RALGAPA2: variants seen among roughly 807,000 people sequenced by gnomAD.
The protein encoded by RALGAPA2 is Ral GTPase activating protein catalytic subunit alpha 2, also known as ral GTPase-activating protein subunit alpha-2.
In RALGAPA2, 139 loss-of-function variants were observed where a neutral mutation model predicts 230.4. The ratio of observed to expected loss-of-function variants is 0.60; its 90% confidence interval spans 0.53 to 0.69. The LOEUF is 0.69. Among genes scored for constraint, RALGAPA2 ranks in the 30% least tolerant of loss-of-function variants. The pLI is 0.00. For synonymous variants in RALGAPA2, 847 were observed against 837.8 expected (o/e 1.01, Z -0.19); for missense variants, 2,163 against 2,276.0 (o/e 0.95, Z 1.01).
chr20:20,614,045 T>C lies in RALGAPA2; in HGVS notation c.1688+1998A>G, dbSNP rs540858094. Among the ~76,000 whole-genome samples, 163 of 152,178 alleles carry C rather than the reference T, an allele frequency of 1.1e-3. 1 individual carries two copies. Among genetic ancestry groups the C allele is most frequent in the Non-Finnish European group, 1.7e-3 (115 of 68,010 alleles). ...CTATATTCTCACAGTAGAAGCTCGA[T>C]AGTTATTTATTAGATGGAAGAAAAG... On this transcript the variant is annotated intron_variant, in intron 13 of 39. Coordinates refer to ENST00000202677, the MANE Select transcript of RALGAPA2 (RefSeq NM_020343.4).
chr20:20,615,552 G>A (rs1311644664), intron 13 of RALGAPA2, among the ~76,000 whole-genome samples: 1 of 152,148 alleles, frequency 6.6e-6, no homozygotes, highest in Non-Finnish European at 1.5e-5. Flanking sequence ...CAAAAACAAA[G>A]ATGAAAAGGA....
chr20:20,638,426 G>A (rs2066929078), intron 7 of RALGAPA2, among the ~76,000 whole-genome samples: 1 of 152,206 alleles, frequency 6.6e-6, no homozygotes, highest in African/African-American at 2.4e-5. Context: ...CCTGCCAAAA[G>A]CTGTGCTCTG....
chr20:20,395,448 T>C (rs1360578723), intron 39 of RALGAPA2, among the ~76,000 whole-genome samples: 1 of 152,158 alleles, frequency 6.6e-6, no homozygotes, highest in Admixed American at 6.5e-5. Flanking sequence ...CACAGGACAC[T>C]CGAACCTCAC....
At chr20:20,651,200 A>G (rs909954145) in intron 4 of RALGAPA2, among the ~76,000 whole-genome samples, 8 of 152,202 alleles carry the variant, frequency 5.3e-5, no homozygotes, top group African/African-American at 1.9e-4. Context: ...CTAAAATCTG[A>G]AAATGCCTGA....
intron 1 of RALGAPA2, among the ~76,000 whole-genome samples, chr20:20,690,184 A>T (rs2068852643): frequency 6.6e-6 from 1 of 152,264 alleles, no homozygotes; most frequent in African/African-American, 2.4e-5. Flanking sequence ...ACATCACTGG[A>T]AACATGTGAT....
At chr20:20,480,953 G>A (rs1422392837) in intron 36 of RALGAPA2, among the ~76,000 whole-genome samples, 2 of 152,198 alleles carry the variant, frequency 1.3e-5, no homozygotes, top group African/African-American at 4.8e-5. Flanking sequence ...ACCACCTGCA[G>A]ATTAGGAGCT....
chr20:20,531,651 G>A (rs748327455), intron 27 of RALGAPA2, 36 bp downstream of exon 27: 5 of 1,475,662 alleles, frequency 3.4e-6, no homozygotes, highest in Non-Finnish European at 4.7e-6. Flanking sequence ...CTCAGATATG[G>A]CTTAATATCC....
Position 20,572,954 on chromosome 20 carries a change from T to G in RALGAPA2, c.2822A>C (p.Asp941Ala). Residue 941 changes from aspartate (D) to alanine (A), a missense_variant, in exon 21 of 40, where the codon GAT becomes GCT. By Grantham distance (126) the Asp-to-Ala change is moderately radical. Transcript: ENST00000202677. ...LWRRVLGILG[D>A]VNNIQSPKIH... ...CTTGGGTGACTGGATGTTATTCACA[T>G]CTCCGAGGATCCCCAAGACCCTTCG... The G allele has an allele frequency of 6.3e-7, 1 of 1,591,240 alleles. No individual in the cohort carries two copies. The highest frequency in any genetic ancestry group is 8.6e-7 in the Non-Finnish European group (1 of 1,168,218).
chr20:20,524,995 G>T, intron 28 of RALGAPA2, 97 bp from the exon 29 acceptor site: 1 of 1,069,582 alleles, frequency 9.3e-7, no homozygotes. Context: ...ACTAAACCCA[G>T]CTTGGTGCCA....
intron 38 of RALGAPA2, among the ~76,000 whole-genome samples, chr20:20,408,466 G>A (rs2059990842): frequency 6.6e-6 from 1 of 152,130 alleles, no homozygotes; most frequent in Non-Finnish European, 1.5e-5. Context: ...TTTTATAAGA[G>A]CAACTTCTAA....
chr20:20,666,637 G>A lies in RALGAPA2; in HGVS notation c.270+9599C>T, dbSNP rs577818365. On this transcript the variant is annotated intron_variant, in intron 3 of 39. Transcript: ENST00000202677. ...ATAAGAAATAACAAAGCAGAGAAAA[G>A]CGCAGAAACTGTGGCAACTAGTTAA... 2.6e-5 allele frequency among the ~76,000 whole-genome samples: 4 copies of A among 152,304 alleles called. No individual in the cohort carries two copies. In the East Asian group the frequency reaches 7.7e-4, roughly 29 times the overall value.
At chr20:20,585,000 A>G (rs772686972) in intron 18 of RALGAPA2, 45 bp from the exon 19 acceptor site, 1 of 1,408,828 alleles carries the variant, frequency 7.1e-7, no homozygotes, top group Non-Finnish European at 9.9e-7. Flanking sequence ...GAAAGTTTTC[A>G]TTGTTATAAG....
Position 20,531,703 on chromosome 20 carries a change from A to AGG in RALGAPA2, c.3565_3566insCC (p.Ile1189ThrfsTer2). The stretch of plus-strand genomic sequence containing the variant: ...TGGTAATACCTTCAGAGTTACTCCT[A>AGG]TCACATTGATGGCCTCTTTCACCTG... On this transcript the variant is annotated frameshift_variant, in exon 27 of 40. Coordinates refer to ENST00000202677, the MANE Select transcript of RALGAPA2 (RefSeq NM_020343.4). LOFTEE classifies it high-confidence loss of function. 6.2e-7 allele frequency: 1 copy of AGG among 1,604,626 alleles called. No homozygotes were observed.
chr20:20,409,643 A>C (rs1003730829), intron 38 of RALGAPA2, among the ~76,000 whole-genome samples: 6 of 152,242 alleles, frequency 3.9e-5, no homozygotes, highest in Admixed American at 3.9e-4. Context: ...TCCCAAGAAC[A>C]TAACAGTGTA....
Position 20,616,039 on chromosome 20 carries a change from T to A in RALGAPA2, c.1688+4A>T. ...CAATACTAATTAATTTGATATAAAC[T>A]TACCATGTCTTTTTATTCATTGTAA... On this transcript the variant is annotated splice_donor_region_variant and intron_variant, in intron 13 of 39. Coordinates refer to ENST00000202677, the MANE Select transcript of RALGAPA2 (RefSeq NM_020343.4). 2.0e-6 allele frequency: 3 copies of A among 1,482,780 alleles called. No individual in the cohort carries two copies. The highest frequency in any genetic ancestry group is 2.7e-6 in the Non-Finnish European group (3 of 1,112,926). The allele number at this position is 1,482,780 out of a possible 1,614,324, so 91.9% of individuals were successfully genotyped here.
intron 7 of RALGAPA2, among the ~76,000 whole-genome samples, chr20:20,639,560 A>G (rs2066964015): frequency 6.6e-6 from 1 of 152,202 alleles, no homozygotes; most frequent in South Asian, 2.1e-4. Context: ...AGGAGTAAAG[A>G]GAGAAAAATG....
chr20:20,469,567 AT>A (rs758488632), intron 37 of RALGAPA2, among the ~76,000 whole-genome samples: 7 of 152,186 alleles, frequency 4.6e-5, no homozygotes, highest in Non-Finnish European at 1.0e-4. Context: ...CATTGAGACT[AT>A]TGTTCTATTG....
chr20:20,396,976 G>A (rs762919318), intron 38 of RALGAPA2, among the ~76,000 whole-genome samples: 7 of 152,144 alleles, frequency 4.6e-5, no homozygotes, highest in Non-Finnish European at 1.0e-4. Context: ...CAGGATCTAC[G>A]CATGCAGACC....
chr20:20,640,589 A>T, intron 6 of RALGAPA2, 112 bp downstream of exon 6: 1 of 1,058,776 alleles, frequency 9.4e-7, no homozygotes, highest in Non-Finnish European at 1.4e-6. Flanking sequence ...AAGGGGAATA[A>T]TTCCTCTTCA....
Sources: allele counts gnomAD v4.1 joint callset (sites outside exome capture counted in the v4.1 genomes callset), GRCh38; gene constraint gnomAD v4.1.1; transcripts MANE v1.5; gene names NCBI Gene and HGNC (gene_info 2026-07-23, HGNC 2026-07-21).